CAMTA1: variants seen among roughly 807,000 people sequenced by gnomAD.
CAMTA1 encodes the protein calmodulin-binding transcription activator 1.
CAMTA1 carries 27 observed loss-of-function variants against 170.9 expected under a neutral mutation model. The ratio of observed to expected loss-of-function variants is 0.16; its 90% CI spans 0.12 to 0.22. CAMTA1 has a LOEUF of 0.22. Ranked by LOEUF, CAMTA1 falls within the 10% of genes least tolerant of loss-of-function variation. The pLI is 1.00. For missense variants in CAMTA1, 1,619 were observed against 2,217.2 expected (o/e 0.73, Z 5.42); for synonymous variants, 833 against 891.5 (o/e 0.93, Z 1.17).
intron 3 of CAMTA1, among the ~76,000 whole-genome samples, chr1:6,995,471 T>C (rs147278182): frequency 0.012 from 1,884 of 151,856 alleles, 33 homozygotes; most frequent in African/African-American, 0.044. Flanking sequence ...GCCCAGCTAA[T>C]TTTTGTATTT....
At chr1:7,650,760 C>A (rs1259648444) in intron 7 of CAMTA1, among the ~76,000 whole-genome samples, 4 of 152,124 alleles carry the variant, frequency 2.6e-5, no homozygotes, top group African/African-American at 9.7e-5. Flanking sequence ...GACCAATAGG[C>A]GAATGAGAGT....
In CAMTA1 at chr1:7,052,690, G is replaced by C. The variant is rs1016258362; in HGVS notation, c.235-38614G>C. Among the ~76,000 whole-genome samples, 3 of 151,944 alleles carry C rather than the reference G, an allele frequency of 2.0e-5. No individual in the cohort carries two copies. In the South Asian group the frequency reaches 6.2e-4, roughly 32 times the overall value. On this transcript the variant is annotated intron_variant, in intron 3 of 22. Coordinates refer to ENST00000303635, the MANE Select transcript of CAMTA1 (RefSeq NM_015215.4). ...CTCCTCTTGGGCTGTGCCCACACCC[G>C]CCCAGTACCTGGTTCTCCTCCTGAG...
intron 6 of CAMTA1, among the ~76,000 whole-genome samples, chr1:7,554,258 G>T (rs1219738523): frequency 1.3e-5 from 2 of 152,144 alleles, no homozygotes; most frequent in Non-Finnish European, 2.9e-5. Context: ...CCCAGAAGTG[G>T]TCATCTTCCT....
Position 7,677,609 on chromosome 1 carries a change from T to A in CAMTA1, c.2790T>A (p.Thr930=). The A allele has an allele frequency of 6.2e-7, 1 of 1,614,072 alleles. No individual in the cohort carries two copies. Among genetic ancestry groups the A allele is most frequent in the Non-Finnish European group, 8.5e-7 (1 of 1,179,958 alleles). ...VLRCYCPAHD[T]GLVTLQVAFN... ...TTCTCTCGCTTTCAGCCCATGACAC[T>A]GGTCTTGTGACCCTACAAGTTGCCT... Residue 930 remains threonine, a synonymous_variant, in exon 11 of 23, where the codon ACT becomes ACA. Coordinates refer to ENST00000303635, the MANE Select transcript of CAMTA1 (RefSeq NM_015215.4).
intron 11 of CAMTA1, among the ~76,000 whole-genome samples, chr1:7,721,162 T>A (rs2096647289): frequency 6.6e-6 from 1 of 152,174 alleles, no homozygotes; most frequent in Admixed American, 6.5e-5. Context: ...GAATGACACC[T>A]AGGAAAAGAA....
At chr1:7,702,080 CAGG>C (rs34600274) in intron 11 of CAMTA1, among the ~76,000 whole-genome samples, 14,385 of 152,034 alleles carry the variant, frequency 0.095, 838 homozygotes, top group Middle Eastern at 0.23. Flanking sequence ...GCAGGCACTC[CAGG>C]AGAAGAACGA....
chr1:7,651,623 T>C (rs2095849098), intron 7 of CAMTA1, among the ~76,000 whole-genome samples: 1 of 152,258 alleles, frequency 6.6e-6, no homozygotes, highest in Admixed American at 6.5e-5. Flanking sequence ...CTTTCCACCC[T>C]GGCCTGGGCA....
At chr1:6,972,138 G>A (rs1000243840) in intron 3 of CAMTA1, among the ~76,000 whole-genome samples, 2 of 152,200 alleles carry the variant, frequency 1.3e-5, no homozygotes, top group Admixed American at 1.3e-4. Flanking sequence ...CTGTTGGGAA[G>A]GTTTGCTAAG....
chr1:7,327,669 G>A (rs1325258341), intron 5 of CAMTA1, among the ~76,000 whole-genome samples: 2 of 152,112 alleles, frequency 1.3e-5, no homozygotes, highest in African/African-American at 4.8e-5. Flanking sequence ...TCCTTGATTA[G>A]GTAAGAAGGA....
At chr1:7,226,135 T>G (rs1308611078) in intron 4 of CAMTA1, among the ~76,000 whole-genome samples, 1 of 152,178 alleles carries the variant, frequency 6.6e-6, no homozygotes, top group Middle Eastern at 3.2e-3. Flanking sequence ...GAACTTTCCT[T>G]GAGGCCAAAC....
chr1:6,867,870 C>T (rs1326878261), intron 3 of CAMTA1, among the ~76,000 whole-genome samples: 1 of 151,984 alleles, frequency 6.6e-6, no homozygotes, highest in Non-Finnish European at 1.5e-5. Context: ...CAGCGAGTGG[C>T]ACAGTCTCAG....
chr1:7,125,122 AC>A (rs1644858352), intron 4 of CAMTA1, among the ~76,000 whole-genome samples: 1 of 151,712 alleles, frequency 6.6e-6, no homozygotes, highest in Admixed American at 6.6e-5. Context: ...CCAGGAAGCA[AC>A]GCCTCTGCAT....
intron 5 of CAMTA1, among the ~76,000 whole-genome samples, chr1:7,306,182 G>A (rs1343284341): frequency 3.3e-5 from 5 of 151,882 alleles, no homozygotes; most frequent in Admixed American, 6.6e-5. Context: ...TTTATGTCTA[G>A]CAAATATTTG....
At chr1:7,080,459 C>T (rs1639861490) in intron 3 of CAMTA1, among the ~76,000 whole-genome samples, 1 of 152,072 alleles carries the variant, frequency 6.6e-6, no homozygotes, top group African/African-American at 2.4e-5. Context: ...TTTTTTCATT[C>T]TCCCTCTACC....
chr1:7,758,412 G>A (rs1478658420), intron 22 of CAMTA1, among the ~76,000 whole-genome samples: 1 of 152,134 alleles, frequency 6.6e-6, no homozygotes, highest in Non-Finnish European at 1.5e-5. Context: ...TGAGAGATAG[G>A]GGCTGAGAAG....
In CAMTA1 at chr1:7,498,354, AGT is replaced by A. The variant is rs374981265; in HGVS notation, c.510+30455_510+30456del. Among the ~76,000 whole-genome samples the A allele has an allele frequency of 4.1e-3, 576 of 141,806 alleles. 4 individuals are homozygous for A. Among genetic ancestry groups the A allele is most frequent in the African/African-American group, 0.015 (546 of 36,294 alleles). The allele number at this position is 141,806 out of a possible 152,430, so 93.0% of individuals were successfully genotyped here. ...TGTGGATGTGTATGAGTGTGTGTAG[AGT>A]GAGTGTGGATGTGTGTGTATGAGTG... is the stretch of plus-strand genomic sequence containing the variant. On this transcript the variant is annotated intron_variant, in intron 6 of 22. Coordinates refer to ENST00000303635, the MANE Select transcript of CAMTA1 (RefSeq NM_015215.4).
chr1:7,437,843 G>A (rs918093515), intron 5 of CAMTA1, among the ~76,000 whole-genome samples: 5 of 152,200 alleles, frequency 3.3e-5, no homozygotes, highest in Admixed American at 1.3e-4. Flanking sequence ...ACGGTCGGGC[G>A]GTGTGTCCAG....
chr1:7,603,618 G>A lies in CAMTA1; in HGVS notation c.511-36782G>A, dbSNP rs556685659. On this transcript the variant is annotated intron_variant, in intron 6 of 22. Coordinates refer to ENST00000303635, the MANE Select transcript of CAMTA1 (RefSeq NM_015215.4). ...GTTTCCTGAATACAGCACACTGATG[G>A]GTCTTGACTCTTTATCCAATTTGCC... Among the ~76,000 whole-genome samples the A allele has an allele frequency of 7.9e-5, 12 of 152,158 alleles. No homozygotes were observed. The South Asian group carries it at 2.3e-3, about 29-fold the overall frequency.
At chr1:7,384,619 C>A (rs1337020401) in intron 5 of CAMTA1, among the ~76,000 whole-genome samples, 2 of 152,196 alleles carry the variant, frequency 1.3e-5, no homozygotes, top group African/African-American at 4.8e-5. Context: ...TTAGATAAAT[C>A]AATCTTTGCC....
Sources: allele counts gnomAD v4.1 joint callset (sites outside exome capture counted in the v4.1 genomes callset), GRCh38; gene constraint gnomAD v4.1.1; transcripts MANE v1.5; gene names NCBI Gene and HGNC (gene_info 2026-07-23, HGNC 2026-07-21).